The following MTM1 variants were observed in gnomAD, a reference collection of about 807,000 sequenced individuals.
MTM1 encodes myotubularin.
A neutral mutation model predicts 52.1 loss-of-function variants in MTM1; 9 were observed. The ratio of observed to expected loss-of-function variants is 0.17; its 90% CI spans 0.10 to 0.30. MTM1 has a LOEUF of 0.30. Among genes scored for constraint, MTM1 ranks in the 10% least tolerant of loss-of-function variants. MTM1 has a pLI of 1.00. For synonymous variants in MTM1, 136 were observed against 163.8 expected (o/e 0.83, Z 1.29); for missense variants, 277 against 470.7 (o/e 0.59, Z 3.81).
chrX:150,575,082 T>G (rs1182951580), intron 1 of MTM1, among the ~76,000 whole-genome samples: 3 of 112,395 alleles, frequency 2.7e-5, no homozygotes, highest in Non-Finnish European at 3.8e-5. Flanking sequence ...TCGGTTTCAG[T>G]TTTTAGTTTT....
chrX:150,636,908 G>A (rs782755556), intron 6 of MTM1, among the ~76,000 whole-genome samples: 6 of 112,234 alleles, frequency 5.3e-5, no homozygotes, highest in Non-Finnish European at 1.1e-4. Flanking sequence ...TGCTATTTTC[G>A]CCCAAAGTCC....
At chrX:150,597,478 A>G (rs1005252268) in intron 3 of MTM1, among the ~76,000 whole-genome samples, 1 of 112,004 alleles carries the variant, frequency 8.9e-6, no homozygotes, top group African/African-American at 3.2e-5. Context: ...TCGTCTTCAT[A>G]TATGAAGTTT....
At chrX:150,663,729 ATTG>A in intron 14 of MTM1, 120 bp downstream of exon 14, 1 of 656,672 alleles carries the variant, frequency 1.5e-6, no homozygotes, top group East Asian at 3.4e-5. Flanking sequence ...AAACACACTT[ATTG>A]TTAAACTCAA....
intron 4 of MTM1, among the ~76,000 whole-genome samples, chrX:150,603,823 CAT>C (rs1285384599): frequency 9.0e-6 from 1 of 111,464 alleles, no homozygotes; most frequent in Non-Finnish European, 1.9e-5. Context: ...GAGTATGTAA[CAT>C]AAAAAGATAT....
Position 150,575,050 on chromosome X carries a change from C to T in MTM1, c.-11+6388C>T, listed in dbSNP as rs148315799. 8.2e-3 allele frequency among the ~76,000 whole-genome samples: 916 copies of T among 112,362 alleles called. 8 individuals are homozygous for T. Among genetic ancestry groups the T allele is most frequent in the African/African-American group, 0.028 (856 of 30,937 alleles). ...GCCTCCGCTGCAACTTCCTGCAGCT[C>T]TCATGACTACAGGGTTTTTTCTCGG... is the stretch of plus-strand genomic sequence containing the variant. On this transcript the variant is annotated intron_variant, in intron 1 of 14. Coordinates refer to ENST00000370396, the MANE Select transcript of MTM1 (RefSeq NM_000252.3).
At chrX:150,637,874 G>A (rs782021570) in intron 6 of MTM1, among the ~76,000 whole-genome samples, 1 of 112,336 alleles carries the variant, frequency 8.9e-6, no homozygotes, top group African/African-American at 3.2e-5. Flanking sequence ...ATGGCCAGAT[G>A]GCAGACAGCT....
chrX:150,636,736 A>G (rs1036041154), intron 6 of MTM1, among the ~76,000 whole-genome samples: 14 of 112,285 alleles, frequency 1.2e-4, no homozygotes, highest in Admixed American at 1.2e-3. Context: ...CCATGTTAAC[A>G]GTACATCACT....
intron 6 of MTM1, among the ~76,000 whole-genome samples, chrX:150,628,496 C>T (rs951536142): frequency 7.2e-5 from 8 of 111,042 alleles, no homozygotes; most frequent in Non-Finnish European, 1.3e-4. Context: ...CTCATGTCCA[C>T]GAACAGTGCC....
chrX:150,581,995 T>C (rs1377155976), intron 1 of MTM1, among the ~76,000 whole-genome samples: 1 of 112,338 alleles, frequency 8.9e-6, no homozygotes, highest in Non-Finnish European at 1.9e-5. Context: ...GTATCACCTC[T>C]GTTATTGTCT....
intron 14 of MTM1, among the ~76,000 whole-genome samples, chrX:150,666,265 TCTC>T (rs1557414932): frequency 8.9e-6 from 1 of 112,340 alleles, no homozygotes; most frequent in Non-Finnish European, 1.9e-5. Context: ...AATGGACTCT[TCTC>T]TTCTTTTACC....
upstream of MTM1, among the ~76,000 whole-genome samples, chrX:150,565,370 G>T (rs2038249068): frequency 8.9e-6 from 1 of 112,163 alleles, no homozygotes; most frequent in East Asian, 2.8e-4. Flanking sequence ...AGTGCTTTCT[G>T]CTAGAGCATG....
At chrX:150,633,971 G>A (rs1050088780) in intron 6 of MTM1, among the ~76,000 whole-genome samples, 9 of 112,541 alleles carry the variant, frequency 8.0e-5, no homozygotes, top group Admixed American at 7.5e-4. Flanking sequence ...GGAGGCGGAG[G>A]TTGCAGTGAG....
intron 6 of MTM1, among the ~76,000 whole-genome samples, chrX:150,630,819 A>G (rs2039654359): frequency 8.9e-6 from 1 of 111,869 alleles, no homozygotes; most frequent in Admixed American, 9.5e-5. Flanking sequence ...CTGGACTCAT[A>G]TTGTACTCAC....
At position 150,621,902 on chromosome X, in the gene MTM1, C is replaced by T. The variant is rs782059453; in HGVS notation, c.444+2763C>T. Among the ~76,000 whole-genome samples, 4 of 111,985 alleles carry T rather than the reference C, an allele frequency of 3.6e-5. No homozygotes were observed. The East Asian group carries it at 8.4e-4, about 23-fold the overall frequency. ...TCAAGGCAGGGATCAGCCTTTATTTCTCTCTCTACTGTCAGCACAGTGACA... is the reference window on the plus strand; with the variant it reads ...TCAAGGCAGGGATCAGCCTTTATTTTTCTCTCTACTGTCAGCACAGTGACA... On this transcript the variant is annotated intron_variant, in intron 6 of 14. Transcript: ENST00000370396.
At chrX:150,608,986 C>T (rs1265839924) in intron 4 of MTM1, among the ~76,000 whole-genome samples, 8 of 110,787 alleles carry the variant, frequency 7.2e-5, no homozygotes, top group East Asian at 2.8e-4. Flanking sequence ...CCTGCCACCA[C>T]GCCCAGCTGA....
chrX:150,618,891 A>G (rs2039431302), intron 5 of MTM1, 147 bp from the exon 6 acceptor site: 3 of 511,780 alleles, frequency 5.9e-6, no homozygotes, highest in Admixed American at 2.7e-5. Flanking sequence ...CCAAATTACC[A>G]TATAAAACAA....
chrX:150,629,310 C>T (rs1237241122), intron 6 of MTM1, among the ~76,000 whole-genome samples: 2 of 111,816 alleles, frequency 1.8e-5, no homozygotes, highest in African/African-American at 6.5e-5. Context: ...TTTTTGTTGT[C>T]GTCTTGTCCA....
chrX:150,653,030 C>A (rs2040054696), intron 10 of MTM1, among the ~76,000 whole-genome samples: 1 of 110,771 alleles, frequency 9.0e-6, no homozygotes, highest in Non-Finnish European at 1.9e-5. Flanking sequence ...AGAGACCTCT[C>A]TAAGGTTTTA....
intron 2 of MTM1, among the ~76,000 whole-genome samples, chrX:150,594,797 G>T (rs2038947361): frequency 9.0e-6 from 1 of 111,648 alleles, no homozygotes; most frequent in Non-Finnish European, 1.9e-5. Context: ...TAGAACTGTG[G>T]TATTTAAAAG....
Sources: allele counts gnomAD v4.1 joint callset (sites outside exome capture counted in the v4.1 genomes callset), GRCh38; gene constraint gnomAD v4.1.1; transcripts MANE v1.5; gene names NCBI Gene and HGNC (gene_info 2026-07-23, HGNC 2026-07-21).